Variants in ITFG1 observed in about 807,000 individuals in gnomAD.
ITFG1 encodes T-cell immunomodulatory protein.
A neutral mutation model predicts 81.8 loss-of-function variants in ITFG1; 34 were observed. The observed-to-expected ratio is 0.42, with a 90% CI of 0.32 to 0.55. The LOEUF (loss-of-function observed/expected upper bound fraction) is 0.55, where lower values mean the gene tolerates loss of function less well. ITFG1 is among the 20% of genes least tolerant of loss of function. The pLI, the probability that ITFG1 is intolerant of heterozygous loss-of-function variation, is 0.17. For missense variants in ITFG1, 672 were observed against 755.4 expected (o/e 0.89, Z 1.29); for synonymous variants, 285 against 270.6 (o/e 1.05, Z -0.52).
intron 8 of ITFG1, among the ~76,000 whole-genome samples, chr16:47,316,018 T>C (rs1178092897): frequency 6.6e-6 from 1 of 152,106 alleles, no homozygotes; most frequent in Non-Finnish European, 1.5e-5. Flanking sequence ...CTCAAAATCC[T>C]GGCCTCAAGA....
At chr16:47,256,121 G>A (rs979123705) in intron 12 of ITFG1, among the ~76,000 whole-genome samples, 4 of 151,878 alleles carry the variant, frequency 2.6e-5, no homozygotes, top group Non-Finnish European at 2.9e-5. Context: ...GCGTCACCAC[G>A]CCCAACTAAA....
intron 6 of ITFG1, among the ~76,000 whole-genome samples, chr16:47,396,524 T>TGTGTGTGTGTGTGTGTGTGTGTGTGTG (rs1555514103): frequency 0.033 from 4,886 of 148,994 alleles, 162 homozygotes; most frequent in African/African-American, 0.065. Context: ...AATAATTATT[T>TGTGTGTGTGTGTGTGTGTGTGTGTGTG]TGTGTGTGTG....
chr16:47,203,677 T>C (rs1965456478), intron 14 of ITFG1, among the ~76,000 whole-genome samples: 1 of 152,188 alleles, frequency 6.6e-6, no homozygotes, highest in Admixed American at 6.5e-5. Context: ...CAGGCTATAA[T>C]GTGATTGATG....
At chr16:47,334,018 A>T (rs1967670407) in intron 8 of ITFG1, among the ~76,000 whole-genome samples, 1 of 152,230 alleles carries the variant, frequency 6.6e-6, no homozygotes, top group Admixed American at 6.5e-5. Flanking sequence ...GCCCACCAGT[A>T]AGAAAGTTGT....
At chr16:47,352,653 T>C (rs1967978166) in intron 8 of ITFG1, among the ~76,000 whole-genome samples, 1 of 152,204 alleles carries the variant, frequency 6.6e-6, no homozygotes, top group Non-Finnish European at 1.5e-5. Context: ...AGTGTGGCGA[T>C]TCCTCAGGGA....
intron 8 of ITFG1, among the ~76,000 whole-genome samples, chr16:47,319,546 C>T (rs982174450): frequency 2.0e-5 from 3 of 152,170 alleles, no homozygotes; most frequent in African/African-American, 4.8e-5. Context: ...ATGTGTTTTA[C>T]GCATATTTTC....
At chr16:47,160,942 C>T (rs1964795251) in intron 16 of ITFG1, among the ~76,000 whole-genome samples, 1 of 152,062 alleles carries the variant, frequency 6.6e-6, no homozygotes, top group Non-Finnish European at 1.5e-5. Context: ...CTGGTATTTT[C>T]AGAGGGAATG....
At position 47,185,107 on chromosome 16, in the gene ITFG1, A is replaced by G. The variant is rs1010165273; in HGVS notation, c.1454-22443T>C. On this transcript the variant is annotated intron_variant, in intron 14 of 17. Transcript: ENST00000320640. ...TCCTAAATATATATGCACCCAATAC[A>G]GGAGCACCCAGATTCATAAAGCAAG... is the stretch of plus-strand genomic sequence containing the variant. Among the ~76,000 whole-genome samples, 12 of 152,108 alleles carry G rather than the reference A, an allele frequency of 7.9e-5. 1 individual carries two copies. Among genetic ancestry groups the G allele is most frequent in the African/African-American group, 2.7e-4 (11 of 41,484 alleles).
intron 13 of ITFG1, among the ~76,000 whole-genome samples, chr16:47,228,222 T>C (rs969539558): frequency 7.2e-5 from 11 of 152,338 alleles, no homozygotes; most frequent in South Asian, 2.1e-4. Flanking sequence ...GAGTGAGTAA[T>C]ATTTTAAGGA....
intron 3 of ITFG1, among the ~76,000 whole-genome samples, chr16:47,453,501 T>A (rs566022606): frequency 6.6e-6 from 1 of 152,314 alleles, no homozygotes; most frequent in Admixed American, 6.5e-5. Flanking sequence ...AGATACACTG[T>A]GAGTCTTAAA....
chr16:47,386,437 C>T (rs948753814), intron 6 of ITFG1, among the ~76,000 whole-genome samples: 1 of 152,154 alleles, frequency 6.6e-6, no homozygotes, highest in South Asian at 2.1e-4. Flanking sequence ...GCGGGGCAGG[C>T]CACCATTTCT....
chr16:47,370,429 G>T (rs1033013227), intron 7 of ITFG1, among the ~76,000 whole-genome samples: 2 of 152,144 alleles, frequency 1.3e-5, no homozygotes, highest in Non-Finnish European at 2.9e-5. Flanking sequence ...TTTTGGGTAG[G>T]GGCTGCCCAC....
At chr16:47,160,252 AC>A (rs1964782425) in intron 16 of ITFG1, among the ~76,000 whole-genome samples, 1 of 151,700 alleles carries the variant, frequency 6.6e-6, no homozygotes, top group Admixed American at 6.6e-5. Flanking sequence ...AGTCACTCTT[AC>A]CAGTTTCCTG....
chr16:47,339,571 C>T (rs1045223712), intron 8 of ITFG1, among the ~76,000 whole-genome samples: 1 of 151,948 alleles, frequency 6.6e-6, no homozygotes, highest in African/African-American at 2.4e-5. Flanking sequence ...AAAAGTATAA[C>T]TGAAATATAA....
chr16:47,191,640 C>G (rs1965294371), intron 14 of ITFG1, among the ~76,000 whole-genome samples: 1 of 152,174 alleles, frequency 6.6e-6, no homozygotes, highest in South Asian at 2.1e-4. Flanking sequence ...TCCCAAGTAG[C>G]TGGGATTACA....
chr16:47,295,345 C>T (rs924865513), intron 10 of ITFG1, among the ~76,000 whole-genome samples: 1 of 152,120 alleles, frequency 6.6e-6, no homozygotes, highest in Admixed American at 6.5e-5. Flanking sequence ...GGAAGATTCC[C>T]TTCTCCTTGA....
intron 10 of ITFG1, among the ~76,000 whole-genome samples, chr16:47,275,412 T>A (rs1966387007): frequency 6.6e-6 from 1 of 152,174 alleles, no homozygotes; most frequent in Non-Finnish European, 1.5e-5. Flanking sequence ...TATAGCTATA[T>A]AAAATACAGT....
chr16:47,341,356 T>A (rs1330552952), intron 8 of ITFG1, among the ~76,000 whole-genome samples: 7 of 144,872 alleles, frequency 4.8e-5, no homozygotes, highest in Non-Finnish European at 1.0e-4. Flanking sequence ...GATGATCCCT[T>A]GAGCCCAGGA....
chr16:47,178,826 A>T (rs1397373863), intron 14 of ITFG1, among the ~76,000 whole-genome samples: 2 of 152,248 alleles, frequency 1.3e-5, no homozygotes, highest in African/African-American at 2.4e-5. Context: ...CAATCTACCC[A>T]TCTGACAAAG....
Sources: allele counts gnomAD v4.1 joint callset (sites outside exome capture counted in the v4.1 genomes callset), GRCh38; gene constraint gnomAD v4.1.1; transcripts MANE v1.5; gene names NCBI Gene and HGNC (gene_info 2026-07-23, HGNC 2026-07-21).